The following ZPBP variants were observed in gnomAD, a reference collection of about 807,000 sequenced individuals.
ZPBP encodes zona pellucida binding protein.
ZPBP carries 26 observed loss-of-function variants against 44.8 expected under a neutral mutation model. That is an observed-to-expected ratio of 0.58 (90% CI 0.43 to 0.81). The LOEUF (loss-of-function observed/expected upper bound fraction) is 0.81, where lower values mean the gene tolerates loss of function less well. ZPBP is among the 30% of genes least tolerant of loss of function. The pLI is 0.00. For synonymous variants in ZPBP, 174 were observed against 153.2 expected, an observed-to-expected ratio of 1.14 and a Z score of -1.00; for missense variants, 409 against 434.0, an observed-to-expected ratio of 0.94 and a Z score of 0.51.
intron 1 of ZPBP, among the ~76,000 whole-genome samples, chr7:50,090,471 ATGTT>A (rs988319903): frequency 2.5e-4 from 14 of 55,410 alleles, no homozygotes; most frequent in Admixed American, 2.3e-3. Flanking sequence ...ATATATATTT[ATGTT>A]TGTGTGTGTG....
intron 3 of ZPBP, among the ~76,000 whole-genome samples, chr7:50,065,708 T>C (rs1801470097): frequency 6.6e-6 from 1 of 150,938 alleles, no homozygotes; most frequent in Non-Finnish European, 1.5e-5. Context: ...AGCTATGTTT[T>C]CAGCTAGTTG....
intron 2 of ZPBP, among the ~76,000 whole-genome samples, chr7:49,894,263 C>T (rs1792270121): frequency 6.6e-6 from 1 of 152,136 alleles, no homozygotes; most frequent in South Asian, 2.1e-4. Flanking sequence ...CTCAGGTGAC[C>T]CTCCCACCTC....
intron 4 of ZPBP, among the ~76,000 whole-genome samples, chr7:50,032,179 T>C (rs1050043300): frequency 5.3e-5 from 8 of 152,228 alleles, no homozygotes; most frequent in African/African-American, 1.9e-4. Context: ...GAAACCTCTA[T>C]AGGTTTCATT....
At chr7:50,029,722 TCAA>T (rs1300397791) in intron 5 of ZPBP, among the ~76,000 whole-genome samples, 2 of 152,208 alleles carry the variant, frequency 1.3e-5, no homozygotes, top group Non-Finnish European at 2.9e-5. Flanking sequence ...GAAAAGATGC[TCAA>T]CAACATTTGC....
chr7:50,093,015 G>C (rs554598054), intron 1 of ZPBP, 53 bp downstream of exon 1: 8 of 1,570,520 alleles, frequency 5.1e-6, no homozygotes, highest in East Asian at 2.4e-5. Context: ...TTCGAAGAGT[G>C]GGGGAAGCTG....
At chr7:50,043,865 T>C (rs1800212486) in intron 4 of ZPBP, among the ~76,000 whole-genome samples, 1 of 152,180 alleles carries the variant, frequency 6.6e-6, no homozygotes, top group Admixed American at 6.5e-5. Flanking sequence ...AGAATATACA[T>C]CCTTCTCAGC....
chr7:49,883,054 G>T (rs1327172499), intron 2 of ZPBP, among the ~76,000 whole-genome samples: 4 of 151,950 alleles, frequency 2.6e-5, no homozygotes, highest in Admixed American at 1.3e-4. Context: ...AGCTTGTCTG[G>T]GTCCTTTGAG....
chr7:49,968,105 T>G (rs1029089345), intron 7 of ZPBP, among the ~76,000 whole-genome samples: 2 of 152,034 alleles, frequency 1.3e-5, no homozygotes, highest in South Asian at 4.1e-4. Context: ...AAAAAACATA[T>G]TGGGAAAATC....
intron 1 of ZPBP, among the ~76,000 whole-genome samples, chr7:49,930,875 C>T (rs983732972): frequency 6.6e-5 from 10 of 152,216 alleles, no homozygotes; most frequent in African/African-American, 2.2e-4. Flanking sequence ...TTTGGCTCTA[C>T]GTCCCACTTA....
intron 3 of ZPBP, among the ~76,000 whole-genome samples, chr7:50,068,288 G>A (rs868613961): frequency 6.6e-6 from 1 of 152,116 alleles, no homozygotes; most frequent in African/African-American, 2.4e-5. Context: ...CCAAGGCATC[G>A]TTCTTCTTGG....
intron 1 of ZPBP, among the ~76,000 whole-genome samples, chr7:49,929,527 C>G (rs903504197): frequency 2.0e-5 from 3 of 152,206 alleles, no homozygotes; most frequent in Non-Finnish European, 2.9e-5. Flanking sequence ...CAGGGACCAA[C>G]CAACAAACTA....
chr7:50,076,964 A>G (rs2128847949), intron 3 of ZPBP, among the ~76,000 whole-genome samples: 1 of 152,126 alleles, frequency 6.6e-6, no homozygotes, highest in East Asian at 1.9e-4. Context: ...AAAAAGAGCA[A>G]AACTGGAGGA....
intron 5 of ZPBP, among the ~76,000 whole-genome samples, chr7:50,028,562 G>C (rs1233486340): frequency 2.0e-5 from 3 of 150,744 alleles, no homozygotes; most frequent in African/African-American, 7.3e-5. Context: ...CAGACAACAT[G>C]ATCTTCTATA....
At chr7:49,877,397 G>A (rs1436458333) in intron 2 of ZPBP, among the ~76,000 whole-genome samples, 7 of 140,826 alleles carry the variant, frequency 5.0e-5, no homozygotes, top group Non-Finnish European at 1.1e-4. Flanking sequence ...GGGAGGCAGA[G>A]GTTGCAGTGA....
intron 1 of ZPBP, among the ~76,000 whole-genome samples, chr7:49,908,035 C>T (rs1793201566): frequency 6.6e-6 from 1 of 152,196 alleles, no homozygotes; most frequent in Non-Finnish European, 1.5e-5. Flanking sequence ...AAAAGACAGC[C>T]TTGCAGGGCC....
intron 2 of ZPBP, among the ~76,000 whole-genome samples, chr7:49,878,159 T>G (rs550222729): frequency 6.6e-6 from 1 of 152,246 alleles, no homozygotes; most frequent in South Asian, 2.1e-4. Context: ...CACTCAGGCT[T>G]CAGATCACCT....
In ZPBP at chr7:50,028,616, A is replaced by G. The variant is rs1719433925; in HGVS notation, c.706+2476T>C. On this transcript the variant is annotated intron_variant, in intron 5 of 7. Coordinates refer to ENST00000046087, the MANE Select transcript of ZPBP (RefSeq NM_007009.3). Reference sequence around the variant, plus strand: ...TCACACACACAAAAAAAACACTATTAGAGCTAATAAAGGAATTCAACCAAA... The same window carrying G: ...TCACACACACAAAAAAAACACTATTGGAGCTAATAAAGGAATTCAACCAAA... Among the ~76,000 whole-genome samples, 3 of 152,010 alleles carry G rather than the reference A, an allele frequency of 2.0e-5. No homozygotes were observed. In the South Asian group the frequency reaches 6.2e-4, roughly 32 times the overall value.
downstream of ZPBP, among the ~76,000 whole-genome samples, chr7:49,934,935 A>T (rs10226655): frequency 0.029 from 4,375 of 152,278 alleles, 236 homozygotes; most frequent in African/African-American, 0.1. Flanking sequence ...ATTGCTAAAA[A>T]ATGTTTTGTG....
intron 7 of ZPBP, among the ~76,000 whole-genome samples, chr7:49,956,219 A>G (rs1795584820): frequency 6.6e-6 from 1 of 152,198 alleles, no homozygotes; most frequent in South Asian, 2.1e-4. Flanking sequence ...TTCCATTATT[A>G]TCTAGAAAAA....
Sources: gnomAD v4.1 joint callset for allele counts (sites outside exome capture counted in the v4.1 genomes callset) on GRCh38, gnomAD v4.1.1 for gene constraint, MANE v1.5 for transcripts, NCBI Gene and HGNC (gene_info 2026-07-23, HGNC 2026-07-21) for gene names.